RIN3: variants seen among roughly 807,000 people sequenced by gnomAD.
The protein encoded by RIN3 is Ras and Rab interactor 3.
Under a neutral mutation model 76.3 loss-of-function variants are expected in RIN3, and 54 were observed. The observed-to-expected ratio is 0.71, with a 90% CI of 0.57 to 0.89. The LOEUF (loss-of-function observed/expected upper bound fraction) is 0.89, where lower values mean the gene tolerates loss of function less well. Among genes scored for constraint, RIN3 ranks in the 40% least tolerant of loss-of-function variants. RIN3 has a pLI of 0.00. For missense variants in RIN3, 1,256 were observed against 1,322.1 expected (o/e 0.95, Z 0.78); for synonymous variants, 576 against 564.0 (o/e 1.02, Z -0.30).
chr14:92,680,093 G>C (rs538158246), intron 8 of RIN3, among the ~76,000 whole-genome samples: 1 of 152,298 alleles, frequency 6.6e-6, no homozygotes, highest in Non-Finnish European at 1.5e-5. Flanking sequence ...CCAAGATCAA[G>C]GCACCAGCAG....
chr14:92,635,986 C>T (rs112665161), intron 4 of RIN3, among the ~76,000 whole-genome samples: 3 of 152,180 alleles, frequency 2.0e-5, no homozygotes, highest in African/African-American at 7.2e-5. Flanking sequence ...GAGTTACAAG[C>T]CTGAACCCTC....
intron 1 of RIN3, among the ~76,000 whole-genome samples, chr14:92,535,373 G>A (rs1303299537): frequency 6.6e-5 from 9 of 136,130 alleles, no homozygotes; most frequent in African/African-American, 1.4e-4. Flanking sequence ...TCGCTCTGTC[G>A]CCCAGACTGG....
intron 3 of RIN3, among the ~76,000 whole-genome samples, chr14:92,587,642 A>G (rs1884825276): frequency 6.6e-6 from 1 of 151,458 alleles, no homozygotes; most frequent in Non-Finnish European, 1.5e-5. Context: ...AAGTACATCT[A>G]AGTTGGGAAA....
At chr14:92,530,130 C>G (rs1896846773) in intron 1 of RIN3, among the ~76,000 whole-genome samples, 1 of 151,822 alleles carries the variant, frequency 6.6e-6, no homozygotes, top group African/African-American at 2.4e-5. Flanking sequence ...GATAAATCTT[C>G]CCCTAACCTC....
chr14:92,679,295 G>A (rs960777559), intron 8 of RIN3, among the ~76,000 whole-genome samples: 6 of 152,180 alleles, frequency 3.9e-5, no homozygotes, highest in Non-Finnish European at 8.8e-5. Context: ...AGCCCTGTCT[G>A]ACCACGGCAG....
At chr14:92,612,644 G>A (rs982802157) in intron 3 of RIN3, among the ~76,000 whole-genome samples, 1 of 152,250 alleles carries the variant, frequency 6.6e-6, no homozygotes, top group African/African-American at 2.4e-5. Flanking sequence ...GTCTCCCCGT[G>A]TGTTGCCTTC....
At chr14:92,644,382 T>C (rs1285542088) in intron 5 of RIN3, 1 of 151,772 alleles carries the variant, frequency 6.6e-6, no homozygotes, top group Non-Finnish European at 1.5e-5. Context: ...AGAGCACAGC[T>C]TCTCCTAAGA....
chr14:92,667,453 G>A (rs573756665), intron 7 of RIN3, among the ~76,000 whole-genome samples: 2 of 151,880 alleles, frequency 1.3e-5, no homozygotes, highest in Admixed American at 1.3e-4. Context: ...GGAGGCGGAG[G>A]TTGCAGTGAG....
intron 1 of RIN3, among the ~76,000 whole-genome samples, chr14:92,525,975 A>G (rs1896718224): frequency 6.6e-6 from 1 of 152,096 alleles, no homozygotes; most frequent in Admixed American, 6.5e-5. Context: ...TGAGAGCCAC[A>G]CAAAGCCATG....
In RIN3 at chr14:92,676,507, G is replaced by T; in HGVS notation, c.2368G>T (p.Val790Leu). Reference sequence around the variant, plus strand: ...CTATGGGGCGGATGACTTCCTGCCTGTGCTCATGTATGTGCTGGCCCGCAG... The same window carrying T: ...CTATGGGGCGGATGACTTCCTGCCTTTGCTCATGTATGTGCTGGCCCGCAG... ...KPYGADDFLP[V>L]LMYVLARSNL... The change falls in exon 8 of 10, where the codon GTG becomes TTG. Residue 790 changes from valine to leucine, a missense_variant. Transcript: ENST00000216487. 1.2e-6 allele frequency: 2 copies of T among 1,614,132 alleles called. No homozygotes were observed.
rs772647363 is a variant in RIN3 at position 92,674,574 on chromosome 14, A to G, written c.2336-1901A>G. On this transcript the variant is annotated intron_variant, in intron 7 of 9. Coordinates refer to ENST00000216487, the MANE Select transcript of RIN3 (RefSeq NM_024832.5). The stretch of plus-strand genomic sequence containing the variant: ...AGCTGAGATTAAACCACCATACTCC[A>G]GCCTGGGCGACAGAGTGAAACCCTG... 2.0e-5 allele frequency among the ~76,000 whole-genome samples: 3 copies of G among 152,070 alleles called. No individual in the cohort carries two copies. The South Asian group carries it at 6.2e-4, about 32-fold the overall frequency.
intron 5 of RIN3, among the ~76,000 whole-genome samples, chr14:92,651,148 G>T (rs538388856): frequency 6.6e-6 from 1 of 152,264 alleles, no homozygotes; most frequent in East Asian, 1.9e-4. Context: ...GGCCTAGGAA[G>T]GTCAAACCAC....
chr14:92,529,415 A>T (rs1396128849), intron 1 of RIN3, among the ~76,000 whole-genome samples: 1 of 151,752 alleles, frequency 6.6e-6, no homozygotes, highest in East Asian at 1.9e-4. Flanking sequence ...CGCCCGGCTA[A>T]TTTTTTGTAT....
Position 92,685,976 on chromosome 14 carries a change from T to G in RIN3, c.2631+826T>G, listed in dbSNP as rs1408973886. 1.3e-5 allele frequency: 2 copies of G among 152,394 alleles called. No individual in the cohort carries two copies. Among genetic ancestry groups the G allele is most frequent in the Non-Finnish European group, 2.9e-5 (2 of 68,236 alleles). 9.4% of individuals were successfully genotyped at this position (152,394 alleles called of 1,614,324 possible). A position where few individuals can be genotyped will look rare whatever the true frequency, so the allele number is the denominator to read the frequency against. The stretch of plus-strand genomic sequence containing the variant: ...CCTCTGCATATGAAGCTGTCACCTC[T>G]GGGAGGGCACAGCCCATGGTTCACA... On this transcript the variant is annotated intron_variant, in intron 9 of 9. Coordinates refer to ENST00000216487, the MANE Select transcript of RIN3 (RefSeq NM_024832.5). This position sits in a 1 kb window ranked among gnomAD's most constrained non-coding sequence, Gnocchi z 4.7.
At chr14:92,604,873 T>C (rs1885468460) in intron 3 of RIN3, among the ~76,000 whole-genome samples, 1 of 151,206 alleles carries the variant, frequency 6.6e-6, no homozygotes. Context: ...TACCCTTCTG[T>C]TGAGGCTTCC....
At chr14:92,596,929 A>G (rs1190575842) in intron 3 of RIN3, among the ~76,000 whole-genome samples, 2 of 152,194 alleles carry the variant, frequency 1.3e-5, no homozygotes, top group Non-Finnish European at 2.9e-5. Context: ...TCTCTTCCCA[A>G]CTTGGTGGTA....
intron 5 of RIN3, among the ~76,000 whole-genome samples, chr14:92,649,715 G>A (rs1225853869): frequency 1.3e-5 from 2 of 152,220 alleles, no homozygotes; most frequent in Admixed American, 6.5e-5. Flanking sequence ...GGCCGCTCTG[G>A]ATACCATGTC....
intron 6 of RIN3, among the ~76,000 whole-genome samples, chr14:92,658,633 TGGTA>T (rs763250085): frequency 1.4e-4 from 22 of 152,034 alleles, no homozygotes; most frequent in Admixed American, 5.2e-4. Flanking sequence ...GAGATGATGG[TGGTA>T]GCCTGACCAA....
At chr14:92,541,034 C>T (rs1897121250) in intron 1 of RIN3, among the ~76,000 whole-genome samples, 1 of 152,210 alleles carries the variant, frequency 6.6e-6, no homozygotes, top group African/African-American at 2.4e-5. Flanking sequence ...GAAGTTCAAC[C>T]TACTTGCCAT....
Sources: gnomAD v4.1 joint callset for allele counts (sites outside exome capture counted in the v4.1 genomes callset) on GRCh38, gnomAD v4.1.1 for gene constraint, Gnocchi (gnomAD v3.1) non-coding constraint, MANE v1.5 for transcripts, NCBI Gene and HGNC (gene_info 2026-07-23, HGNC 2026-07-21) for gene names.